The following MED12L variants were observed in gnomAD, a reference collection of about 807,000 sequenced individuals.
MED12L encodes mediator of RNA polymerase II transcription subunit 12-like protein.
In MED12L, 60 loss-of-function variants were observed where a neutral mutation model predicts 281.3. That is an observed-to-expected ratio of 0.21 (90% CI 0.17 to 0.26). The LOEUF is 0.26. MED12L is among the 10% of genes least tolerant of loss of function. The pLI is 1.00. For synonymous variants in MED12L, 974 were observed against 987.2 expected (o/e 0.99, Z 0.25); for missense variants, 2,146 against 2,680.9 (o/e 0.80, Z 4.41).
At chr3:151,224,967 A>G (rs1202743717) in intron 16 of MED12L, among the ~76,000 whole-genome samples, 4 of 152,238 alleles carry the variant, frequency 2.6e-5, no homozygotes, top group Non-Finnish European at 2.9e-5. Flanking sequence ...TTACTAAAAT[A>G]ACTTACAGCG....
chr3:151,199,106 A>T, intron 16 of MED12L: 1 of 1,614,072 alleles, frequency 6.2e-7, no homozygotes, highest in Non-Finnish European at 8.5e-7. Context: ...ATTGATATAG[A>T]TGAGGCAGGC....
intron 16 of MED12L, among the ~76,000 whole-genome samples, chr3:151,302,389 A>G (rs980310151): frequency 1.3e-5 from 2 of 152,366 alleles, no homozygotes; most frequent in Middle Eastern, 3.4e-3. Flanking sequence ...AATTCTGGTA[A>G]CTAAGAGATC....
Position 151,388,116 on chromosome 3 carries a change from GAAGAA to G in MED12L, c.5403_5407del (p.Lys1801AsnfsTer11). 1 of 1,611,732 alleles carries G rather than the reference GAAGAA, an allele frequency of 6.2e-7. No homozygotes were observed. Among genetic ancestry groups the G allele is most frequent in the East Asian group, 2.2e-5 (1 of 44,830 alleles). ...AGATCAGGGAAAAACCACAACAGAT[GAAGAA>G]AAGAAAACAAAAGGAAGGAAGCGCA... On this transcript the variant is annotated frameshift_variant, in exon 37 of 45. Coordinates refer to ENST00000687756, the MANE Select transcript of MED12L (RefSeq NM_001393769.1). LOFTEE classifies it high-confidence loss of function.
At chr3:151,247,450 A>C (rs530450010) in intron 16 of MED12L, among the ~76,000 whole-genome samples, 2 of 151,976 alleles carry the variant, frequency 1.3e-5, no homozygotes, top group Non-Finnish European at 2.9e-5. Context: ...TGATGAGTTC[A>C]TGTCCTTTGT....
chr3:151,268,624 G>GT (rs1257683200), intron 16 of MED12L, among the ~76,000 whole-genome samples: 2 of 152,126 alleles, frequency 1.3e-5, no homozygotes, highest in African/African-American at 2.4e-5. Context: ...CCCATTAGTG[G>GT]TTTTTTAAAT....
chr3:151,392,954 A>G lies in MED12L; in HGVS notation c.5609-1702A>G, dbSNP rs1034664837. ...TAAATGAGTCTCTTTTTACATATCA[A>G]TATACATAATTCTTAACACGTAATA... On this transcript the variant is annotated intron_variant, in intron 38 of 44. Coordinates refer to ENST00000687756, the MANE Select transcript of MED12L (RefSeq NM_001393769.1). Among the ~76,000 whole-genome samples the G allele has an allele frequency of 2.6e-5, 4 of 152,368 alleles. No homozygotes were observed. The South Asian group carries it at 6.2e-4, about 24-fold the overall frequency.
intron 43 of MED12L, chr3:151,425,538 A>G: frequency 4.7e-6 from 2 of 421,978 alleles, no homozygotes; most frequent in Non-Finnish European, 9.6e-6. Context: ...GTAGCTGGGA[A>G]CTACAGTAAA....
intron 16 of MED12L, among the ~76,000 whole-genome samples, chr3:151,301,175 T>G (rs569267488): frequency 6.6e-5 from 10 of 152,318 alleles, no homozygotes; most frequent in African/African-American, 2.2e-4. Flanking sequence ...TATTTTTTAA[T>G]GTAAGGCAAA....
chr3:151,425,080 A>T (rs1177353462), intron 43 of MED12L, among the ~76,000 whole-genome samples: 2 of 152,200 alleles, frequency 1.3e-5, no homozygotes, highest in Middle Eastern at 3.2e-3. Flanking sequence ...GCAATGAAAA[A>T]AACCTTTGTT....
intron 16 of MED12L, chr3:151,294,729 AC>A: frequency 6.2e-7 from 1 of 1,614,180 alleles, no homozygotes; most frequent in South Asian, 1.1e-5. Flanking sequence ...TTTGGCAAAG[AC>A]AAAACAGCCA....
At chr3:151,145,287 A>G (rs1285422529) in intron 5 of MED12L, among the ~76,000 whole-genome samples, 1 of 152,080 alleles carries the variant, frequency 6.6e-6, no homozygotes, top group East Asian at 1.9e-4. Flanking sequence ...CAGCGAGTGC[A>G]CTACCAATAT....
At chr3:151,288,822 AGCT>A (rs2149659747) in intron 16 of MED12L, among the ~76,000 whole-genome samples, 1 of 53,750 alleles carries the variant, frequency 1.9e-5, no homozygotes, top group Admixed American at 2.1e-4. Flanking sequence ...AGTTGCATAA[AGCT>A]ATCAAACTTA....
At chr3:151,086,608 A>AG (rs959540140) in intron 1 of MED12L, 190 bp from the exon 2 acceptor site, 2 of 219,290 alleles carry the variant, frequency 9.1e-6, no homozygotes, top group African/African-American at 2.3e-5. Context: ...GAGACAAGGT[A>AG]GGGGGGAGCA....
intron 16 of MED12L, among the ~76,000 whole-genome samples, chr3:151,304,354 A>C (rs1746352832): frequency 1.3e-5 from 2 of 152,134 alleles, no homozygotes; most frequent in Non-Finnish European, 2.9e-5. Context: ...CTGGTGGATC[A>C]CCTGAGGTCA....
At chr3:151,140,617 TTTAA>T (rs1716784760) in intron 5 of MED12L, among the ~76,000 whole-genome samples, 1 of 152,210 alleles carries the variant, frequency 6.6e-6, no homozygotes, top group Non-Finnish European at 1.5e-5. Context: ...TATATTTATG[TTTAA>T]TTAATTTTTT....
intron 16 of MED12L, chr3:151,214,233 C>T: frequency 2.5e-6 from 4 of 1,613,900 alleles, no homozygotes; most frequent in Non-Finnish European, 3.4e-6. Context: ...CCATACAGTA[C>T]AGCACAGGAA....
chr3:151,143,686 A>G (rs935358607), intron 5 of MED12L, among the ~76,000 whole-genome samples: 3 of 152,076 alleles, frequency 2.0e-5, no homozygotes, highest in South Asian at 2.1e-4. Flanking sequence ...CTTCTACAGC[A>G]TTGTCCCCCA....
chr3:151,356,630 TTTG>T lies in MED12L; in HGVS notation c.2662-568_2662-566del, dbSNP rs1414782391. ...GTTTTGAGTGTTTCTTCTGTTTTTT[TTTG>T]TTGTTGTTGTTGTTTTTCTTTTGGT... On this transcript the variant is annotated intron_variant, in intron 19 of 44. Coordinates refer to ENST00000687756, the MANE Select transcript of MED12L (RefSeq NM_001393769.1). Among the ~76,000 whole-genome samples the T allele has an allele frequency of 1.9e-4, 29 of 152,190 alleles. 1 individual carries two copies. Among genetic ancestry groups the T allele is most frequent in the South Asian group, 4.1e-4 (2 of 4,826 alleles).
In MED12L at chr3:151,357,249, C is replaced by T; in HGVS notation, c.2698C>T (p.Leu900Phe). The T allele has an allele frequency of 6.2e-7, 1 of 1,613,264 alleles. No homozygotes were observed. ...NELSVVEAEL[L>F]LKSSSLAGSY... Reference sequence around the variant, plus strand: ...ACTGAGTGTTGTGGAAGCTGAACTGCTCCTAAAATCCTCCAGCCTGGCAGG... The same window carrying T: ...ACTGAGTGTTGTGGAAGCTGAACTGTTCCTAAAATCCTCCAGCCTGGCAGG... The change falls in exon 20 of 45, where the codon CTC becomes TTC. Residue 900 changes from leucine to phenylalanine, a missense_variant. This residue lies in a region of MED12L where 404 missense variants were observed against 603.5 expected (regional missense o/e 0.67). Coordinates refer to ENST00000687756, the MANE Select transcript of MED12L (RefSeq NM_001393769.1).
Sources: gnomAD v4.1 joint callset for allele counts (sites outside exome capture counted in the v4.1 genomes callset) on GRCh38, gnomAD v4.1.1 for gene constraint, gnomAD v4.1.1 regional missense constraint, MANE v1.5 for transcripts, NCBI Gene and HGNC (gene_info 2026-07-23, HGNC 2026-07-21) for gene names.